KRTAP5-9: variants seen among roughly 807,000 people sequenced by gnomAD.
KRTAP5-9 encodes the protein keratin associated protein 5-9, also known as keratin-associated protein 5-9.
KRTAP5-9 carries 2 observed loss-of-function variants against 3.0 expected under a neutral mutation model. That is an observed-to-expected ratio of 0.67 (90% confidence interval 0.27 to 2.09). The LOEUF (loss-of-function observed/expected upper bound fraction) is 2.09. KRTAP5-9 is among the 30% of genes most tolerant of loss of function. The pLI is 0.14. For synonymous variants in KRTAP5-9, 70 were observed against 81.2 expected, an observed-to-expected ratio of 0.86 and a Z score of 0.74; for missense variants, 183 against 204.2, an observed-to-expected ratio of 0.90 and a Z score of 0.63.
chr11:71,548,616 C>T lies in KRTAP5-9; in HGVS notation c.-42C>T. 2.5e-6 allele frequency: 4 copies of T among 1,588,680 alleles called. No homozygotes were observed. The highest frequency in any genetic ancestry group is 3.4e-6 in the Non-Finnish European group (4 of 1,169,360). The stretch of plus-strand genomic sequence containing the variant: ...GGGCTCCACACCTGCACCTCCTTCT[C>T]ACCTGCTCCTCTACCTGCTCCACCC... On this transcript the variant is annotated 5_prime_UTR_variant, in exon 1 of 1. Coordinates refer to ENST00000528743, the MANE Select transcript of KRTAP5-9 (RefSeq NM_005553.4).
Position 71,549,008 on chromosome 11 carries a change from C to G in KRTAP5-9, c.351C>G (p.Ser117=). Reference sequence around the variant, plus strand: ...GCAGCTGCTGTAAGCCCTGTTGCTCCTCCTCGGGTCGTGGGTCATCCTGCT... The same window carrying G: ...GCAGCTGCTGTAAGCCCTGTTGCTCGTCCTCGGGTCGTGGGTCATCCTGCT... ...SQCSCCKPCC[S]SSGRGSSCCQ... is the part of the protein sequence containing the mutation. Residue 117 remains serine (S), a synonymous_variant, in exon 1 of 1, where the codon TCC becomes TCG. Transcript: ENST00000528743. The G allele has an allele frequency of 1.2e-6, 2 of 1,607,224 alleles. No homozygotes were observed. The highest frequency in any genetic ancestry group is 1.7e-6 in the Non-Finnish European group (2 of 1,179,054).
chr11:71,549,465 G>A lies in KRTAP5-9; in HGVS notation c.*298G>A, dbSNP rs760744941. 1.3e-5 allele frequency: 7 copies of A among 537,716 alleles called. No homozygotes were observed. The highest frequency in any genetic ancestry group is 2.0e-5 in the Non-Finnish European group (6 of 292,990). The allele number at this position is 537,716 out of a possible 1,614,324, so 33.3% of individuals were successfully genotyped here. A position where few individuals can be genotyped will look rare whatever the true frequency, so the allele number is the denominator to read the frequency against. On this transcript the variant is annotated 3_prime_UTR_variant, in exon 1 of 1. Transcript: ENST00000528743. ...ATTCCCCTTCTTGATAATTCCATGG[G>A]AGACAGCAAACCCTTCTTTCCTTTG... is the stretch of plus-strand genomic sequence containing the variant.
chr11:71,549,048 T>C lies in KRTAP5-9; in HGVS notation c.391T>C (p.Cys131Arg), dbSNP rs1950110567. The C allele has an allele frequency of 6.2e-7, 1 of 1,608,292 alleles. No individual in the cohort carries two copies. The highest frequency in any genetic ancestry group is 1.4e-5 in the African/African-American group (1 of 70,446). ...GTCATCCTGCTGCCAATCCAGCTGCTGCAAGCCCTGCTGCTCATCCTCAGG... is the reference window on the plus strand; with the variant it reads ...GTCATCCTGCTGCCAATCCAGCTGCCGCAAGCCCTGCTGCTCATCCTCAGG... ...RGSSCCQSSC[C>R]KPCCSSSGCG... The change falls in exon 1 of 1, where the codon TGC becomes CGC. Residue 131 changes from cysteine to arginine, a missense_variant. Coordinates refer to ENST00000528743, the MANE Select transcript of KRTAP5-9 (RefSeq NM_005553.4).
In KRTAP5-9 at chr11:71,548,479, A is replaced by C; in HGVS notation, c.-179A>C. The C allele has an allele frequency of 1.5e-6, 2 of 1,300,862 alleles. No homozygotes were observed. The highest frequency in any genetic ancestry group is 2.1e-6 in the Non-Finnish European group (2 of 945,554). The allele number at this position is 1,300,862 out of a possible 1,614,324, so 80.6% of individuals were successfully genotyped here. On this transcript the variant is annotated 5_prime_UTR_variant, in exon 1 of 1. Transcript: ENST00000528743. ...CTCATACTTGGATCCAGAAAATATC[A>C]ACATAGCCAAAGAAAAACAATCAAG... is the stretch of plus-strand genomic sequence containing the variant.
Position 71,548,580 on chromosome 11 carries a change from C to T in KRTAP5-9, c.-78C>T, listed in dbSNP as rs1011880011. 51 of 1,559,370 alleles carry T rather than the reference C, an allele frequency of 3.3e-5. No homozygotes were observed. Among genetic ancestry groups the T allele is most frequent in the African/African-American group, 1.2e-4 (9 of 73,088 alleles). On this transcript the variant is annotated 5_prime_UTR_variant, in exon 1 of 1. Transcript: ENST00000528743. ...TGTTCCTATGTGGGATATAAAGAGCCGGGGCTCAGGGGGCTCCACACCTGC... is the reference window on the plus strand; with the variant it reads ...TGTTCCTATGTGGGATATAAAGAGCTGGGGCTCAGGGGGCTCCACACCTGC...
In KRTAP5-9 at chr11:71,548,898, A is replaced by G; in HGVS notation, c.241A>G (p.Ser81Gly). 1 of 1,614,156 alleles carries G rather than the reference A, an allele frequency of 6.2e-7. No homozygotes were observed. The highest frequency in any genetic ancestry group is 8.5e-7 in the Non-Finnish European group (1 of 1,180,024). ...TGGTTCTTGTGGCTGCTCCCAGTGC[A>G]GTTGCTGCAAGCCCTGCTGTTGCTC... ...GCGSCGCSQC[S>G]CCKPCCCSSG... Residue 81 changes from serine (S) to glycine (G), a missense_variant, in exon 1 of 1, where the codon AGT becomes GGT. Transcript: ENST00000528743.
At position 71,549,433 on chromosome 11, in the gene KRTAP5-9, GC is replaced by G. The variant is rs1950112567; in HGVS notation, c.*268del. The G allele has an allele frequency of 1.7e-6, 1 of 583,312 alleles. No homozygotes were observed. The highest frequency in any genetic ancestry group is 2.9e-5 in the East Asian group (1 of 34,196). 36.1% of individuals were successfully genotyped at this position (583,312 alleles called of 1,614,324 possible). ...GGGGCTGCCCTCATGCCAAGCAAGA[GC>G]CTGGAATTCCCCTTCTTGATAATTC... On this transcript the variant is annotated 3_prime_UTR_variant, in exon 1 of 1. Coordinates refer to ENST00000528743, the MANE Select transcript of KRTAP5-9 (RefSeq NM_005553.4).
Position 71,548,850 on chromosome 11 carries a change from T to A in KRTAP5-9, c.193T>A (p.Cys65Ser). 6.2e-7 allele frequency: 1 copy of A among 1,614,176 alleles called. No homozygotes were observed. Among genetic ancestry groups the A allele is most frequent in the Non-Finnish European group, 8.5e-7 (1 of 1,180,026 alleles). Residue 65 changes from cysteine (C) to serine (S), a missense_variant, in exon 1 of 1, where the codon TGT becomes AGT. Transcript: ENST00000528743. ...CTGTGGCAAGCGGGGCTGTGGCTCC[T>A]GTGGGGGCTCCAAGGGAGGCTGTGG... ...SSCGKRGCGS[C>S]GGSKGGCGSC...
Position 71,549,013 on chromosome 11 carries a change from C to G in KRTAP5-9, c.356C>G (p.Ser119Trp). ...CSCCKPCCSS[S>W]GRGSSCCQSS... ...TGCTGTAAGCCCTGTTGCTCCTCCT[C>G]GGGTCGTGGGTCATCCTGCTGCCAA... Residue 119 changes from serine to tryptophan, a missense_variant, in exon 1 of 1, where the codon TCG becomes TGG. By Grantham distance (177) the Ser-to-Trp change is radical. Transcript: ENST00000528743. 1 of 1,606,162 alleles carries G rather than the reference C, an allele frequency of 6.2e-7. No homozygotes were observed. The highest frequency in any genetic ancestry group is 8.5e-7 in the Non-Finnish European group (1 of 1,178,912).
Position 71,549,256 on chromosome 11 carries a change from A to T in KRTAP5-9, c.*89A>T, listed in dbSNP as rs1018126841. ...TGAAGCACATCCCCTTCTGGATCTG[A>T]AAAGAGCCCTTGGCTCAGGGCGTCT... On this transcript the variant is annotated 3_prime_UTR_variant, in exon 1 of 1. Coordinates refer to ENST00000528743, the MANE Select transcript of KRTAP5-9 (RefSeq NM_005553.4). The T allele has an allele frequency of 1.1e-5, 17 of 1,566,496 alleles. No individual in the cohort carries two copies. In the African/African-American group the frequency reaches 2.2e-4, roughly 20 times the overall value.
chr11:71,549,148 G>A lies in KRTAP5-9; in HGVS notation c.491G>A (p.Cys164Tyr), dbSNP rs1950111339. Residue 164 changes from cysteine (C) to tyrosine (Y), a missense_variant, in exon 1 of 1, where the codon TGC (cysteine) becomes TAC (tyrosine). By Grantham distance (194) the Cys-to-Tyr change is radical (BLOSUM62 -2). Coordinates refer to ENST00000528743, the MANE Select transcript of KRTAP5-9 (RefSeq NM_005553.4). ...CAGTCCAGATGCTGTGTCCCTGTGTGCTACCAGTGCAAGATCTGAGGCTCT... is the reference window on the plus strand; with the variant it reads ...CAGTCCAGATGCTGTGTCCCTGTGTACTACCAGTGCAAGATCTGAGGCTCT... The part of the protein sequence containing the change: ...CSQSRCCVPV[C>Y]YQCKI 6.2e-7 allele frequency: 1 copy of A among 1,614,120 alleles called. No homozygotes were observed. Among genetic ancestry groups the A allele is most frequent in the South Asian group, 1.1e-5 (1 of 91,092 alleles).
Position 71,548,851 on chromosome 11 carries a change from G to T in KRTAP5-9, c.194G>T (p.Cys65Phe), listed in dbSNP as rs745922979. Residue 65 changes from cysteine (C) to phenylalanine (F), a missense_variant, in exon 1 of 1, where the codon TGT (cysteine) becomes TTT (phenylalanine). Coordinates refer to ENST00000528743, the MANE Select transcript of KRTAP5-9 (RefSeq NM_005553.4). ...SSCGKRGCGS[C>F]GGSKGGCGSC... Reference sequence around the variant, plus strand: ...TGTGGCAAGCGGGGCTGTGGCTCCTGTGGGGGCTCCAAGGGAGGCTGTGGT... The same window carrying T: ...TGTGGCAAGCGGGGCTGTGGCTCCTTTGGGGGCTCCAAGGGAGGCTGTGGT... 2 of 1,614,040 alleles carry T rather than the reference G, an allele frequency of 1.2e-6. No homozygotes were observed. Among genetic ancestry groups the T allele is most frequent in the African/African-American group, 1.3e-5 (1 of 74,906 alleles).
rs1950106854 is a variant in KRTAP5-9, at chr11:71,548,571, A to G, written c.-87A>G. ...ACAATGGTGTGTTCCTATGTGGGAT[A>G]TAAAGAGCCGGGGCTCAGGGGGCTC... On this transcript the variant is annotated 5_prime_UTR_variant, in exon 1 of 1. It adds an upstream start codon to the 5' untranslated region. Transcript: ENST00000528743. 1.3e-6 allele frequency: 2 copies of G among 1,554,876 alleles called. No homozygotes were observed. The highest frequency in any genetic ancestry group is 2.5e-5 in the South Asian group (2 of 79,858).
rs753918410 is a variant in KRTAP5-9, at chr11:71,549,525, G to A, written c.*358G>A. 1.0e-5 allele frequency: 4 copies of A among 393,506 alleles called. No individual in the cohort carries two copies. Among genetic ancestry groups the A allele is most frequent in the Non-Finnish European group, 1.9e-5 (4 of 206,320 alleles). 24.4% of individuals were successfully genotyped at this position (393,506 alleles called of 1,614,324 possible). A position where few individuals can be genotyped will look rare whatever the true frequency, so the allele number is the denominator to read the frequency against. On this transcript the variant is annotated 3_prime_UTR_variant, in exon 1 of 1. Transcript: ENST00000528743. ...AGCTTCACGACATTTGCAGATGGAT[G>A]TCCTGCAACCCAAATGATCACATGT...
Position 71,548,798 on chromosome 11 carries a change from C to G in KRTAP5-9, c.141C>G (p.Cys47Trp). The part of the protein sequence containing the change: ...APVYCCKPVC[C>W]CVPACSCSSC... Reference sequence around the variant, plus strand: ...TCTACTGCTGCAAGCCCGTGTGCTGCTGTGTTCCAGCCTGTTCCTGCTCTA... The same window carrying G: ...TCTACTGCTGCAAGCCCGTGTGCTGGTGTGTTCCAGCCTGTTCCTGCTCTA... The change falls in exon 1 of 1, where the codon TGC becomes TGG. Residue 47 changes from cysteine (C) to tryptophan (W), a missense_variant. By Grantham distance (215) the Cys-to-Trp change is radical. Transcript: ENST00000528743. The G allele has an allele frequency of 6.2e-7, 1 of 1,613,664 alleles. No individual in the cohort carries two copies. The highest frequency in any genetic ancestry group is 8.5e-7 in the Non-Finnish European group (1 of 1,179,804).
Position 71,548,909 on chromosome 11 carries a change from GC to G in KRTAP5-9, c.255del (p.Cys86AlafsTer93), listed in dbSNP as rs1950109439. 1 of 1,613,990 alleles carries G rather than the reference GC, an allele frequency of 6.2e-7. No individual in the cohort carries two copies. Among genetic ancestry groups the G allele is most frequent in the Admixed American group, 1.7e-5 (1 of 59,996 alleles). ...GCTGCTCCCAGTGCAGTTGCTGCAA[GC>G]CCTGCTGTTGCTCTTCAGGCTGTGG... ...CGCSQCSCCK[P>X]CCCSSGCGSS... On this transcript the variant is annotated frameshift_variant, in exon 1 of 1. Transcript: ENST00000528743. LOFTEE classifies it low-confidence loss of function (END_TRUNC).
At position 71,548,462 on chromosome 11, in the gene KRTAP5-9, T is replaced by C; in HGVS notation, c.-196T>C. On this transcript the variant is annotated 5_prime_UTR_variant, in exon 1 of 1. Coordinates refer to ENST00000528743, the MANE Select transcript of KRTAP5-9 (RefSeq NM_005553.4). ...CATCTCAGGAGGAAGGGCTCATACT[T>C]GGATCCAGAAAATATCAACATAGCC... is the stretch of plus-strand genomic sequence containing the variant. The C allele has an allele frequency of 8.5e-7, 1 of 1,178,922 alleles. No individual in the cohort carries two copies. Among genetic ancestry groups the C allele is most frequent in the Non-Finnish European group, 1.2e-6 (1 of 841,642 alleles). The allele number at this position is 1,178,922 out of a possible 1,614,324, so 73.0% of individuals were successfully genotyped here.
Position 71,548,519 on chromosome 11 carries a change from G to T in KRTAP5-9, c.-139G>T, listed in dbSNP as rs1950106652. On this transcript the variant is annotated 5_prime_UTR_variant, in exon 1 of 1. Coordinates refer to ENST00000528743, the MANE Select transcript of KRTAP5-9 (RefSeq NM_005553.4). ...AAACAATCAAGACATACCTCCAGGA[G>T]CTGTGTAACAGCAACCGGAAAGAGA... is the stretch of plus-strand genomic sequence containing the variant. 4 of 1,480,316 alleles carry T rather than the reference G, an allele frequency of 2.7e-6. No homozygotes were observed. In the Admixed American group the frequency reaches 9.1e-5, roughly 34 times the overall value. The allele number at this position is 1,480,316 out of a possible 1,614,324, so 91.7% of individuals were successfully genotyped here.
In KRTAP5-9 at chr11:71,548,434, A is replaced by G; in HGVS notation, c.-224A>G. The G allele has an allele frequency of 1.1e-6, 1 of 932,564 alleles. No individual in the cohort carries two copies. The highest frequency in any genetic ancestry group is 1.9e-5 in the South Asian group (1 of 52,602). The allele number at this position is 932,564 out of a possible 1,614,324, so 57.8% of individuals were successfully genotyped here. ...CCTTTCAGTATGAATTCCACAAGGAAATCATCTCAGGAGGAAGGGCTCATA... is the reference window on the plus strand; with the variant it reads ...CCTTTCAGTATGAATTCCACAAGGAGATCATCTCAGGAGGAAGGGCTCATA... On this transcript the variant is annotated 5_prime_UTR_variant, in exon 1 of 1. Transcript: ENST00000528743.
Sources: gnomAD v4.1 joint callset for allele counts on GRCh38, gnomAD v4.1.1 for gene constraint, MANE v1.5 for transcripts, NCBI Gene and HGNC (gene_info 2026-07-23, HGNC 2026-07-21) for gene names.